The following LGALS9B variants were observed in gnomAD, a reference collection of about 807,000 sequenced individuals.
LGALS9B encodes galectin 9B, also known as galectin-9B.
In LGALS9B, 8 loss-of-function variants were observed where a neutral mutation model predicts 35.9. That is an observed-to-expected ratio of 0.22 (90% CI 0.13 to 0.40). The LOEUF (loss-of-function observed/expected upper bound fraction) is 0.40. Among genes scored for constraint, LGALS9B ranks in the 10% least tolerant of loss-of-function variants. LGALS9B has a pLI of 1.00. For synonymous variants in LGALS9B, 42 were observed against 148.6 expected, an observed-to-expected ratio of 0.28 and a Z score of 5.22; for missense variants, 101 against 397.9, an observed-to-expected ratio of 0.25 and a Z score of 6.35.
chr17:20,452,021 A>G (rs2042653412), intron 8 of LGALS9B, 138 bp from the exon 9 acceptor site: 1 of 1,362,042 alleles, frequency 7.3e-7, no homozygotes, highest in African/African-American at 1.4e-5. Flanking sequence ...GGTTCCATAA[A>G]AGCCAAAGGA....
At chr17:20,450,905 T>A (rs1332917983) in intron 10 of LGALS9B, among the ~76,000 whole-genome samples, 11 of 152,210 alleles carry the variant, frequency 7.2e-5, no homozygotes, top group African/African-American at 2.4e-4. Flanking sequence ...CCTGCTGCTG[T>A]TCCTGGAGAG....
rs144820734 is a variant in LGALS9B, at chr17:20,464,911, G to A, written c.39+2521C>T. Among the ~76,000 whole-genome samples, 1,183 of 152,346 alleles carry A rather than the reference G, an allele frequency of 7.8e-3. 6 individuals are homozygous for A. The highest frequency in any genetic ancestry group is 0.013 in the Non-Finnish European group (890 of 68,040). On this transcript the variant is annotated intron_variant, in intron 1 of 10. Transcript: ENST00000423676. ...CATTCTGGAGAGGACTGGGTGGAATGCCATGTGCTGAGTCCCTGGCTGGCA... is the reference window on the plus strand; with the variant it reads ...CATTCTGGAGAGGACTGGGTGGAATACCATGTGCTGAGTCCCTGGCTGGCA...
rs1244102997 is a variant in LGALS9B, at chr17:20,451,659, T to C, written c.762-16A>G. 2 of 1,596,150 alleles carry C rather than the reference T, an allele frequency of 1.3e-6. No individual in the cohort carries two copies. The highest frequency in any genetic ancestry group is 1.7e-5 in the Admixed American group (1 of 57,708). On this transcript the variant is annotated splice_polypyrimidine_tract_variant and intron_variant, in intron 9 of 10. Coordinates refer to ENST00000423676, the MANE Select transcript of LGALS9B (RefSeq NM_001367292.2). ...GATGTGGAACCTGCGGTGGGCAGCC[T>C]ACCTGGACCTTTGTCCACTGAGTTC...
rs367971698 is a variant in LGALS9B at position 20,460,410 on chromosome 17, G to A, written c.73C>T (p.Leu25Phe). ...VPFSGTIQGG[L>F]QDGFQITVNG... ...ACAGTGATCTGAAATCCGTCCTGGAGACCCCCTTGGATAGTCCCAGAAAAG... is the reference window on the plus strand; with the variant it reads ...ACAGTGATCTGAAATCCGTCCTGGAAACCCCCTTGGATAGTCCCAGAAAAG... The change falls in exon 2 of 11, where the codon CTC becomes TTC. Residue 25 changes from leucine (L) to phenylalanine (F), a missense_variant. Transcript: ENST00000423676. 231 of 1,603,728 alleles carry A rather than the reference G, an allele frequency of 1.4e-4. 4 individuals are homozygous for A. Among genetic ancestry groups the A allele is most frequent in the Admixed American group, 3.7e-4 (22 of 59,660 alleles).
intron 1 of LGALS9B, among the ~76,000 whole-genome samples, chr17:20,461,275 C>T (rs2142423616): frequency 2.7e-5 from 4 of 150,114 alleles, no homozygotes; most frequent in Admixed American, 2.7e-4. Flanking sequence ...CCTCTCTTTG[C>T]CTCAGTTTCC....
In LGALS9B at chr17:20,451,854, T is replaced by A. The variant is rs1384521117; in HGVS notation, c.702A>T (p.Gly234=). ...TGATGGACTTGGATGGGTACAGCCC[T>A]CCCGGAATGGTGGTGATGAAAGGCA... ...YPMPFITTIP[G]GLYPSKSIIL... is the part of the protein sequence containing the mutation. The change falls in exon 9 of 11, where the codon GGA becomes GGT. Residue 234 remains glycine, a synonymous_variant. Transcript: ENST00000423676. The A allele has an allele frequency of 6.8e-7, 1 of 1,477,574 alleles. No individual in the cohort carries two copies. 91.5% of individuals were successfully genotyped at this position (1,477,574 alleles called of 1,614,324 possible). A position where few individuals can be genotyped will look rare whatever the true frequency, so the allele number is the denominator to read the frequency against.
intron 1 of LGALS9B, among the ~76,000 whole-genome samples, chr17:20,464,052 C>T (rs1293743578): frequency 6.7e-6 from 1 of 148,828 alleles, no homozygotes; most frequent in African/African-American, 2.5e-5. Context: ...ACAACAGAAG[C>T]AAGAAGCTGG....
rs766362963 is a variant in LGALS9B, at chr17:20,449,950, C to T, written c.*23G>A. The T allele has an allele frequency of 4.3e-5, 49 of 1,129,782 alleles. 15 individuals are homozygous for T. The highest frequency in any genetic ancestry group is 5.1e-4 in the Middle Eastern group (2 of 3,956). 70.0% of individuals were successfully genotyped at this position (1,129,782 alleles called of 1,614,324 possible). A position where few individuals can be genotyped will look rare whatever the true frequency, so the allele number is the denominator to read the frequency against. ...CCCGACTGCCCCACACCCCAGCCCC[C>T]GGCCCCAGGGCCAGGGAGCCGCCTA... On this transcript the variant is annotated 3_prime_UTR_variant, in exon 11 of 11. Coordinates refer to ENST00000423676, the MANE Select transcript of LGALS9B (RefSeq NM_001367292.2).
chr17:20,457,463 T>G (rs1481298912), intron 3 of LGALS9B: 1 of 130,618 alleles, frequency 7.7e-6, no homozygotes, highest in African/African-American at 3.1e-5. Flanking sequence ...GTTTCCCCAC[T>G]TGTGTCCATG....
In LGALS9B at chr17:20,453,220, G is replaced by A; in HGVS notation, c.577-153C>T. ...CGGAGGGTGGGTCCAGGGGACGAGG[G>A]AGAGGCAAAGGTTAGAACCCTGGAG... On this transcript the variant is annotated intron_variant, in intron 6 of 10. Coordinates refer to ENST00000423676, the MANE Select transcript of LGALS9B (RefSeq NM_001367292.2). 3 of 859,996 alleles carry A rather than the reference G, an allele frequency of 3.5e-6. No homozygotes were observed. The South Asian group carries it at 4.5e-5, about 13-fold the overall frequency. The allele number at this position is 859,996 out of a possible 1,614,324, so 53.3% of individuals were successfully genotyped here. A position where few individuals can be genotyped will look rare whatever the true frequency, so the allele number is the denominator to read the frequency against.
rs1270932398 is a variant in LGALS9B, at chr17:20,449,670, A to T, written c.*303T>A. On this transcript the variant is annotated 3_prime_UTR_variant, in exon 11 of 11. Transcript: ENST00000423676. The stretch of plus-strand genomic sequence containing the variant: ...CGTGGGGGATGGGAGGGGACTGAGC[A>T]TGGGGCTTCATCTTCACTGCCCGCT... 6 of 247,706 alleles carry T rather than the reference A, an allele frequency of 2.4e-5. 2 individuals are homozygous for T. The highest frequency in any genetic ancestry group is 4.3e-5 in the Non-Finnish European group (5 of 116,714). 15.3% of individuals were successfully genotyped at this position (247,706 alleles called of 1,614,324 possible). A position where few individuals can be genotyped will look rare whatever the true frequency, so the allele number is the denominator to read the frequency against.
chr17:20,452,799 T>C (rs2042659212), intron 7 of LGALS9B, among the ~76,000 whole-genome samples: 1 of 94,458 alleles, frequency 1.1e-5, no homozygotes, highest in African/African-American at 3.8e-5. Flanking sequence ...TCCCAGTCTC[T>C]AGGGAACCTG....
At chr17:20,451,161 C>T (rs1237841770) in intron 10 of LGALS9B, among the ~76,000 whole-genome samples, 7 of 151,078 alleles carry the variant, frequency 4.6e-5, no homozygotes, top group African/African-American at 1.7e-4. Flanking sequence ...ACAGTGAAAT[C>T]GTTGAATGAG....
At chr17:20,459,324 T>A (rs1329590400) in intron 2 of LGALS9B, among the ~76,000 whole-genome samples, 1 of 144,910 alleles carries the variant, frequency 6.9e-6, no homozygotes, top group African/African-American at 2.6e-5. Flanking sequence ...AGGATGGGAG[T>A]GGGAAGCCCT....
At chr17:20,464,476 CA>C (rs2042747759) in intron 1 of LGALS9B, among the ~76,000 whole-genome samples, 2 of 151,830 alleles carry the variant, frequency 1.3e-5, no homozygotes, top group Non-Finnish European at 2.9e-5. Flanking sequence ...GCTGGAAAAG[CA>C]AAAGAAACAG....
At chr17:20,464,093 G>GTTTTTTTGTTT (rs2042744034) in intron 1 of LGALS9B, among the ~76,000 whole-genome samples, 1 of 89,948 alleles carries the variant, frequency 1.1e-5, no homozygotes, top group African/African-American at 5.4e-5. Context: ...TGTTTGTTGT[G>GTTTTTTTGTTT]TTTTTTTTTT....
intron 1 of LGALS9B, among the ~76,000 whole-genome samples, chr17:20,466,263 G>A (rs558438622): frequency 1.1e-3 from 165 of 150,714 alleles, no homozygotes; most frequent in Non-Finnish European, 1.9e-3. Context: ...ACAGCCAGGA[G>A]GAAACAGGCC....
chr17:20,456,164 C>T lies in LGALS9B; in HGVS notation c.444+397G>A, dbSNP rs2142415845. On this transcript the variant is annotated intron_variant, in intron 4 of 10. Coordinates refer to ENST00000423676, the MANE Select transcript of LGALS9B (RefSeq NM_001367292.2). Reference sequence around the variant, plus strand: ...ATGGGGGCCAGGCAATGACCATGCTCATTCTACAGATGACGAAACTGAGGC... The same window carrying T: ...ATGGGGGCCAGGCAATGACCATGCTTATTCTACAGATGACGAAACTGAGGC... Among the ~76,000 whole-genome samples the T allele has an allele frequency of 2.6e-5, 4 of 152,318 alleles. No individual in the cohort carries two copies. In the East Asian group the frequency reaches 7.8e-4, roughly 30 times the overall value.
chr17:20,455,090 GCC>G (rs1284150997), intron 5 of LGALS9B, among the ~76,000 whole-genome samples: 6 of 113,876 alleles, frequency 5.3e-5, no homozygotes, highest in Non-Finnish European at 1.0e-4. Flanking sequence ...ATATGTTGGT[GCC>G]TTGGAGAGAC....
Sources: allele counts gnomAD v4.1 joint callset (sites outside exome capture counted in the v4.1 genomes callset), GRCh38; gene constraint gnomAD v4.1.1; transcripts MANE v1.5; gene names NCBI Gene and HGNC (gene_info 2026-07-23, HGNC 2026-07-21).